The following DOCK4 variants were observed in gnomAD, a reference collection of about 807,000 sequenced individuals.
DOCK4 encodes the protein dedicator of cytokinesis protein 4.
DOCK4 carries 97 observed loss-of-function variants against 268.1 expected under a neutral mutation model. The observed-to-expected ratio is 0.36, with a 90% CI of 0.31 to 0.43. The LOEUF is 0.43. Ranked by LOEUF, DOCK4 falls within the 20% of genes least tolerant of loss-of-function variation. DOCK4 has a pLI of 1.00. For missense variants in DOCK4, 2,145 were observed against 2,455.7 expected, an observed-to-expected ratio of 0.87 and a Z score of 2.67; for synonymous variants, 954 against 887.2, an observed-to-expected ratio of 1.08 and a Z score of -1.34.
At chr7:112,002,323 G>A (rs1800491134) in intron 2 of DOCK4, among the ~76,000 whole-genome samples, 1 of 152,110 alleles carries the variant, frequency 6.6e-6, no homozygotes, top group Non-Finnish European at 1.5e-5. Flanking sequence ...CTTGAGAATT[G>A]CAAAAATGTC....
At chr7:112,102,532 TA>T (rs1563086379) in intron 1 of DOCK4, among the ~76,000 whole-genome samples, 1 of 152,198 alleles carries the variant, frequency 6.6e-6, no homozygotes, top group East Asian at 1.9e-4. Context: ...GATTAGGCTG[TA>T]AGAGTAGAGT....
At chr7:112,142,364 T>C (rs1289523149) in intron 1 of DOCK4, among the ~76,000 whole-genome samples, 1 of 152,030 alleles carries the variant, frequency 6.6e-6, no homozygotes, top group Non-Finnish European at 1.5e-5. Context: ...TCATGGAAAT[T>C]TTACAGGTAG....
chr7:112,066,074 T>C (rs2135628751), intron 1 of DOCK4, among the ~76,000 whole-genome samples: 1 of 152,238 alleles, frequency 6.6e-6, no homozygotes. Flanking sequence ...TCAACTTGAC[T>C]GGATTAAGGG....
chr7:112,182,055 C>T (rs1179572619), intron 1 of DOCK4, among the ~76,000 whole-genome samples: 1 of 152,180 alleles, frequency 6.6e-6, no homozygotes, highest in South Asian at 2.1e-4. Flanking sequence ...TCTAGAGTCA[C>T]ACCACCTGCC....
intron 10 of DOCK4, 110 bp downstream of exon 10, chr7:111,944,700 CT>C: frequency 9.3e-7 from 1 of 1,070,506 alleles, no homozygotes; most frequent in Non-Finnish European, 1.4e-6. Context: ...TCAAATCTGG[CT>C]TTGATATCTT....
At chr7:112,179,324 T>G (rs963548236) in intron 1 of DOCK4, among the ~76,000 whole-genome samples, 5 of 151,726 alleles carry the variant, frequency 3.3e-5, no homozygotes, top group Non-Finnish European at 1.5e-5. Context: ...ATGTCGAGGC[T>G]GCAGTGAGTG....
intron 1 of DOCK4, among the ~76,000 whole-genome samples, chr7:112,067,263 G>T (rs1586754516): frequency 6.6e-6 from 1 of 150,524 alleles, no homozygotes; most frequent in East Asian, 1.9e-4. Flanking sequence ...AAAAAAGATG[G>T]TTCCTACTCC....
In DOCK4 at chr7:111,911,130, C is replaced by T. The variant is rs117780729; in HGVS notation, c.1192+4649G>A. Among the ~76,000 whole-genome samples the T allele has an allele frequency of 5.4e-3, 815 of 152,214 alleles. 15 individuals are homozygous for T. Among genetic ancestry groups the T allele is most frequent in the East Asian group, 0.046 (236 of 5,178 alleles). On this transcript the variant is annotated intron_variant, in intron 13 of 52. Coordinates refer to ENST00000428084, the MANE Select transcript of DOCK4 (RefSeq NM_001363540.2). ...GTCCTGTTGGTATAATCATGTGCCT[C>T]ACCTGTTTTGACCCTATCAGAATGC...
At chr7:111,989,696 A>G (rs556333023) in intron 5 of DOCK4, among the ~76,000 whole-genome samples, 1 of 152,366 alleles carries the variant, frequency 6.6e-6, no homozygotes, top group Non-Finnish European at 1.5e-5. Flanking sequence ...TTATCGGGCC[A>G]GTATTTAGAC....
chr7:112,080,249 T>C (rs1344387501), intron 1 of DOCK4, among the ~76,000 whole-genome samples: 1 of 152,140 alleles, frequency 6.6e-6, no homozygotes, highest in African/African-American at 2.4e-5. Context: ...TTTTAGTATA[T>C]ATATGTCATA....
At chr7:111,801,205 G>GT (rs1800252119) in intron 30 of DOCK4, among the ~76,000 whole-genome samples, 1 of 152,186 alleles carries the variant, frequency 6.6e-6, no homozygotes, top group Non-Finnish European at 1.5e-5. Context: ...GGAGGGCCAG[G>GT]TTTTTTGCGG....
chr7:111,853,418 A>G (rs1466709868), intron 23 of DOCK4, among the ~76,000 whole-genome samples: 2 of 152,198 alleles, frequency 1.3e-5, no homozygotes, highest in Admixed American at 1.3e-4. Context: ...CATGTAGCAG[A>G]GCTGCTGACT....
chr7:111,933,159 C>CAT lies in DOCK4; in HGVS notation c.1066+2379_1066+2380dup, dbSNP rs1175450690. 4.6e-4 allele frequency among the ~76,000 whole-genome samples: 54 copies of CAT among 116,488 alleles called. 1 individual carries two copies. Among genetic ancestry groups the CAT allele is most frequent in the South Asian group, 1.2e-3 (4 of 3,404 alleles). 76.4% of individuals were successfully genotyped at this position (116,488 alleles called of 152,430 possible). On this transcript the variant is annotated intron_variant, in intron 12 of 52. Transcript: ENST00000428084. ...ATACACATATATATACGTATATACA[C>CAT]ATATATACGTATATACACATATATA...
chr7:111,977,176 C>T lies in DOCK4; in HGVS notation c.657G>A (p.Glu219=), dbSNP rs774572601. 2 of 1,612,736 alleles carry T rather than the reference C, an allele frequency of 1.2e-6. No homozygotes were observed. Among genetic ancestry groups the T allele is most frequent in the Non-Finnish European group, 8.5e-7 (1 of 1,179,512 alleles). Residue 219 remains glutamate (E), a synonymous_variant, in exon 8 of 53, where the codon GAG becomes GAA. Transcript: ENST00000428084. ...LMCSNLGEEL[E]VIFSLFDSKE... ...TACTGTCAAAGAGTGAGAAGATGAC[C>T]TCCAGCTCCTCTCCCAGGTTGGAAC... is the stretch of plus-strand genomic sequence containing the variant.
chr7:111,731,398 C>A (rs1041885966), intron 52 of DOCK4, among the ~76,000 whole-genome samples: 23 of 152,280 alleles, frequency 1.5e-4, no homozygotes, highest in African/African-American at 4.1e-4. Context: ...GCTCATCACA[C>A]AAAGGACATG....
At chr7:112,120,390 C>A (rs898887306) in intron 1 of DOCK4, among the ~76,000 whole-genome samples, 1 of 152,110 alleles carries the variant, frequency 6.6e-6, no homozygotes, top group Non-Finnish European at 1.5e-5. Flanking sequence ...GAAATCCGGT[C>A]TCAAATTTCA....
At chr7:111,990,420 T>C (rs371745014) in intron 5 of DOCK4, among the ~76,000 whole-genome samples, 3 of 152,368 alleles carry the variant, frequency 2.0e-5, no homozygotes, top group East Asian at 3.9e-4. Flanking sequence ...GAGGTTATCA[T>C]CCATCTAAAG....
chr7:112,133,649 G>A (rs908966140), intron 1 of DOCK4, among the ~76,000 whole-genome samples: 2 of 152,146 alleles, frequency 1.3e-5, no homozygotes, highest in African/African-American at 4.8e-5. Flanking sequence ...GAACCTGGGA[G>A]GTCAAGGTTA....
chr7:111,893,438 A>G (rs1048820763), intron 16 of DOCK4, among the ~76,000 whole-genome samples: 2 of 152,246 alleles, frequency 1.3e-5, no homozygotes, highest in African/African-American at 4.8e-5. Context: ...ATTCTTTTAC[A>G]TATCATGAGG....
Sources: allele counts gnomAD v4.1 joint callset (sites outside exome capture counted in the v4.1 genomes callset), GRCh38; gene constraint gnomAD v4.1.1; transcripts MANE v1.5; gene names NCBI Gene and HGNC (gene_info 2026-07-23, HGNC 2026-07-21).